Variants in GRB10 observed in about 807,000 individuals in gnomAD.
The protein encoded by GRB10 is growth factor receptor bound protein 10.
GRB10 carries 20 observed loss-of-function variants against 80.9 expected under a neutral mutation model. The observed-to-expected ratio is 0.25, with a 90% CI of 0.17 to 0.36. The LOEUF (loss-of-function observed/expected upper bound fraction) is 0.36, where lower values mean the gene tolerates loss of function less well. Ranked by LOEUF, GRB10 falls within the 10% of genes least tolerant of loss-of-function variation. The probability of loss-of-function intolerance (pLI) is 1.00; values close to 1 mark genes in which losing one functional copy is unlikely to be tolerated. For synonymous variants in GRB10, 291 were observed against 291.5 expected, an observed-to-expected ratio of 1.00 and a Z score of 0.02; for missense variants, 548 against 747.7, an observed-to-expected ratio of 0.73 and a Z score of 3.12.
intron 3 of GRB10, among the ~76,000 whole-genome samples, chr7:50,749,572 GTTC>G (rs1237919898): frequency 2.0e-5 from 3 of 152,150 alleles, no homozygotes; most frequent in Admixed American, 6.5e-5. Flanking sequence ...ATCTCCAGGA[GTTC>G]TTCTTAGAAA....
At chr7:50,648,790 C>T (rs573133707) in intron 7 of GRB10, among the ~76,000 whole-genome samples, 1 of 152,216 alleles carries the variant, frequency 6.6e-6, no homozygotes, top group South Asian at 2.1e-4. Context: ...TGAAGTAGTC[C>T]CAGGTCCTTT....
intron 4 of GRB10, chr7:50,710,985 CA>C: frequency 7.7e-7 from 1 of 1,292,992 alleles, no homozygotes. Context: ...ACAATATTTT[CA>C]GAACCTGGAG....
In GRB10 at chr7:50,771,271, G is replaced by A. The variant is rs117041639; in HGVS notation, c.-217+9356C>T. 2.6e-3 allele frequency among the ~76,000 whole-genome samples: 389 copies of A among 152,232 alleles called. 7 individuals carry two copies. The highest frequency in any genetic ancestry group is 2.6e-3 in the Non-Finnish European group (178 of 68,012). On this transcript the variant is annotated intron_variant, in intron 2 of 18. Coordinates refer to ENST00000401949, the MANE Select transcript of GRB10 (RefSeq NM_001350814.2). ...CACAATCAGCAGGACATTCCATTCC[G>A]GTCCACTCCACCAGTCTACTCCTCC...
intron 4 of GRB10, among the ~76,000 whole-genome samples, chr7:50,724,204 C>CAGGCATGACTGTGATATCCTGAGAT (rs2068219330): frequency 6.6e-6 from 1 of 152,238 alleles, no homozygotes; most frequent in Admixed American, 6.5e-5. Flanking sequence ...AGAAAAACCA[C>CAGGCATGACTGTGATATCCTGAGAT]AGGCATGACT....
chr7:50,731,544 G>A (rs1014031742), intron 4 of GRB10, among the ~76,000 whole-genome samples: 4 of 152,142 alleles, frequency 2.6e-5, no homozygotes, highest in African/African-American at 4.8e-5. Context: ...GACAAATCAC[G>A]AGTAAGGATG....
At chr7:50,633,805 T>C (rs1028234078) in intron 7 of GRB10, among the ~76,000 whole-genome samples, 19 of 152,140 alleles carry the variant, frequency 1.2e-4, no homozygotes, top group Non-Finnish European at 2.4e-4. Context: ...AGCAGAAGAA[T>C]TTCAGAGCTT....
chr7:50,661,932 C>T (rs1208098680), intron 7 of GRB10, among the ~76,000 whole-genome samples: 1 of 152,186 alleles, frequency 6.6e-6, no homozygotes, highest in Non-Finnish European at 1.5e-5. Context: ...CTGTCTCCGG[C>T]CCTAGACTTC....
intron 8 of GRB10, 112 bp downstream of exon 8, chr7:50,626,710 C>T: frequency 1.6e-6 from 2 of 1,234,502 alleles, no homozygotes; most frequent in African/African-American, 1.5e-5. Flanking sequence ...AGACTGCCTG[C>T]TAATTTCGCA....
At chr7:50,725,805 GT>G (rs1361225652) in intron 4 of GRB10, among the ~76,000 whole-genome samples, 2 of 152,160 alleles carry the variant, frequency 1.3e-5, no homozygotes, top group East Asian at 3.8e-4. Flanking sequence ...CCAATATTGT[GT>G]TCTGCTCCTC....
chr7:50,663,868 G>T (rs749604625), intron 7 of GRB10, among the ~76,000 whole-genome samples: 1 of 152,210 alleles, frequency 6.6e-6, no homozygotes, highest in Non-Finnish European at 1.5e-5. Context: ...GAGTCACCTC[G>T]CAGGATGCCA....
chr7:50,676,185 T>C (rs1188313486), intron 5 of GRB10, among the ~76,000 whole-genome samples: 2 of 151,924 alleles, frequency 1.3e-5, no homozygotes, highest in Non-Finnish European at 1.5e-5. Context: ...AAGGCTACAT[T>C]GGTAGGAAGG....
Position 50,604,350 on chromosome 7 carries a change from C to T in GRB10, c.1417G>A (p.Gly473Ser). ...RKRSTRMNIL[G>S]SQSPLHPSTL... ...GAAGGGTGGAGGGGACTTTGGCTAC[C>T]TAGGATGTTCATCCGTGTGCTTCGC... Residue 473 changes from glycine (G) to serine (S), a missense_variant, in exon 16 of 19, where the codon GGT becomes AGT. By Grantham distance (56) the Gly-to-Ser change is moderately conservative. Coordinates refer to ENST00000401949, the MANE Select transcript of GRB10 (RefSeq NM_001350814.2). 6.2e-7 allele frequency: 1 copy of T among 1,613,612 alleles called. No homozygotes were observed. The highest frequency in any genetic ancestry group is 1.1e-5 in the South Asian group (1 of 91,058).
chr7:50,680,577 A>C (rs903882089), intron 5 of GRB10, among the ~76,000 whole-genome samples: 2 of 152,202 alleles, frequency 1.3e-5, no homozygotes, highest in African/African-American at 4.8e-5. Context: ...AGAAGTCTCC[A>C]CTCCGACTCC....
intron 5 of GRB10, among the ~76,000 whole-genome samples, chr7:50,674,993 C>T (rs1268929791): frequency 6.6e-6 from 1 of 152,178 alleles, no homozygotes; most frequent in Admixed American, 6.5e-5. Context: ...CACACAGCCA[C>T]AGCTGCATAG....
intron 3 of GRB10, among the ~76,000 whole-genome samples, chr7:50,735,108 C>T (rs2070558787): frequency 6.6e-6 from 1 of 152,154 alleles, no homozygotes; most frequent in Non-Finnish European, 1.5e-5. Context: ...TAAATGAGTT[C>T]AGCAAAGGTA....
In GRB10 at chr7:50,612,757, G is replaced by A; in HGVS notation, c.1178C>T (p.Ala393Val). ...GTCACATACCTTGAGGAGTCTGAAC[G>A]CTGTCATCCAGCACGTCCTGGTTTG... is the stretch of plus-strand genomic sequence containing the variant. ...DEQTRTCWMT[A>V]FRLLKYGMLL... Residue 393 changes from alanine (A) to valine (V), a missense_variant, in exon 13 of 19, where the codon GCG becomes GTG. Transcript: ENST00000401949. 1.2e-6 allele frequency: 2 copies of A among 1,612,824 alleles called. No homozygotes were observed. The highest frequency in any genetic ancestry group is 1.3e-5 in the African/African-American group (1 of 75,010).
intron 5 of GRB10, among the ~76,000 whole-genome samples, chr7:50,700,330 T>C (rs2063999524): frequency 6.6e-6 from 1 of 152,188 alleles, no homozygotes; most frequent in Non-Finnish European, 1.5e-5. Flanking sequence ...TTCCCCCAGA[T>C]TTCCATTTTT....
chr7:50,655,362 A>C (rs1392560435), intron 7 of GRB10, among the ~76,000 whole-genome samples: 1 of 152,070 alleles, frequency 6.6e-6, no homozygotes, highest in African/African-American at 2.4e-5. Flanking sequence ...TGTCCCCTTC[A>C]TTCTTTAAGC....
intron 2 of GRB10, among the ~76,000 whole-genome samples, chr7:50,771,005 G>C (rs1276280470): frequency 6.6e-6 from 1 of 151,934 alleles, no homozygotes; most frequent in Non-Finnish European, 1.5e-5. Flanking sequence ...TCTCAGCCCT[G>C]CCCAGCACCC....
Sources: allele counts gnomAD v4.1 joint callset (sites outside exome capture counted in the v4.1 genomes callset), GRCh38; gene constraint gnomAD v4.1.1; transcripts MANE v1.5; gene names NCBI Gene and HGNC (gene_info 2026-07-23, HGNC 2026-07-21).